MECOM: variants seen among roughly 807,000 people sequenced by gnomAD.
The protein encoded by MECOM is MDS1 and EVI1 complex locus.
A neutral mutation model predicts 116.3 loss-of-function variants in MECOM; 13 were observed. The ratio of observed to expected loss-of-function variants is 0.11; its 90% CI spans 0.07 to 0.18. The LOEUF (loss-of-function observed/expected upper bound fraction) is 0.18, where lower values mean the gene tolerates loss of function less well. MECOM is among the 10% of genes least tolerant of loss of function. MECOM has a pLI of 1.00. For synonymous variants in MECOM, 528 were observed against 535.2 expected, an observed-to-expected ratio of 0.99 and a Z score of 0.19; for missense variants, 1,299 against 1,509.0, an observed-to-expected ratio of 0.86 and a Z score of 2.31.
At chr3:169,295,955 C>T (rs1346840970) in intron 2 of MECOM, among the ~76,000 whole-genome samples, 1 of 152,216 alleles carries the variant, frequency 6.6e-6, no homozygotes, top group East Asian at 1.9e-4. Context: ...GGCCTTTCAG[C>T]TCTCATACAA....
chr3:169,480,210 T>A (rs1751077586), intron 1 of MECOM, among the ~76,000 whole-genome samples: 1 of 152,244 alleles, frequency 6.6e-6, no homozygotes, highest in South Asian at 2.1e-4. Context: ...TCTTTTTATT[T>A]AATTGAAAGA....
chr3:169,480,196 GTCT>G (rs1485354722), intron 1 of MECOM, among the ~76,000 whole-genome samples: 2 of 152,294 alleles, frequency 1.3e-5, no homozygotes, highest in East Asian at 1.9e-4. Context: ...AGCTAGTGCT[GTCT>G]TCTTTTTATT....
intron 1 of MECOM, among the ~76,000 whole-genome samples, chr3:169,497,141 C>T (rs563634355): frequency 2.6e-5 from 4 of 152,248 alleles, no homozygotes; most frequent in South Asian, 2.1e-4. Flanking sequence ...TCTCCCCATG[C>T]CACAGTTCAT....
intron 2 of MECOM, among the ~76,000 whole-genome samples, chr3:169,191,554 G>A (rs1747549100): frequency 6.6e-6 from 1 of 150,996 alleles, no homozygotes; most frequent in Non-Finnish European, 1.5e-5. Context: ...GGAGGAGAAT[G>A]TAAGGAAAGA....
intron 1 of MECOM, among the ~76,000 whole-genome samples, chr3:169,626,577 G>C (rs1478242365): frequency 6.6e-6 from 1 of 152,132 alleles, no homozygotes. Flanking sequence ...CAGAGGTTTG[G>C]TTTGCCCAGG....
chr3:169,487,957 C>T (rs1407854049), intron 1 of MECOM, among the ~76,000 whole-genome samples: 1 of 151,864 alleles, frequency 6.6e-6, no homozygotes, highest in Non-Finnish European at 1.5e-5. Context: ...AAAACTTTAC[C>T]AGGGAGATAC....
At chr3:169,259,857 C>T (rs893305421) in intron 2 of MECOM, among the ~76,000 whole-genome samples, 5 of 152,238 alleles carry the variant, frequency 3.3e-5, no homozygotes, top group African/African-American at 9.6e-5. Flanking sequence ...AAGTCTATAG[C>T]CCCTGGAGTC....
At chr3:169,241,484 A>T (rs982121027) in intron 2 of MECOM, among the ~76,000 whole-genome samples, 1 of 152,228 alleles carries the variant, frequency 6.6e-6, no homozygotes, top group Non-Finnish European at 1.5e-5. Flanking sequence ...AGAGAATCCG[A>T]AACTATTCAT....
chr3:169,554,120 C>T (rs1025262403), intron 1 of MECOM, among the ~76,000 whole-genome samples: 3 of 152,150 alleles, frequency 2.0e-5, no homozygotes, highest in African/African-American at 7.2e-5. Flanking sequence ...CTGGCCAGCT[C>T]CATAGAAACC....
intron 12 of MECOM, among the ~76,000 whole-genome samples, chr3:169,098,463 A>G (rs1271337742): frequency 6.6e-6 from 1 of 152,250 alleles, no homozygotes; most frequent in Non-Finnish European, 1.5e-5. Context: ...AAAATAGCAC[A>G]GAGGCAATAT....
intron 1 of MECOM, among the ~76,000 whole-genome samples, chr3:169,604,822 G>A (rs546507124): frequency 6.6e-6 from 1 of 152,228 alleles, no homozygotes; most frequent in South Asian, 2.1e-4. Flanking sequence ...CCTAAAAGTG[G>A]GCACATGACA....
intron 1 of MECOM, among the ~76,000 whole-genome samples, chr3:169,442,776 T>C (rs1025614637): frequency 6.6e-6 from 1 of 152,210 alleles, no homozygotes; most frequent in Non-Finnish European, 1.5e-5. Context: ...AGGTGCCCCA[T>C]AACTTTGGAA....
rs572244764 is a variant in MECOM, at chr3:169,093,580, T to C, written c.3020-478A>G. On this transcript the variant is annotated intron_variant, in intron 13 of 16. Coordinates refer to ENST00000651503, the MANE Select transcript of MECOM (RefSeq NM_004991.4). ...TTAAAGGCACACTGAAAATTCTGCATCCTGGTTTGCTGGGCGAAGCTGTGA... is the reference window on the plus strand; with the variant it reads ...TTAAAGGCACACTGAAAATTCTGCACCCTGGTTTGCTGGGCGAAGCTGTGA... 2.0e-5 allele frequency among the ~76,000 whole-genome samples: 3 copies of C among 152,338 alleles called. No homozygotes were observed. In the South Asian group the frequency reaches 6.2e-4, roughly 32 times the overall value.
At chr3:169,146,562 T>C (rs1365337312) in intron 2 of MECOM, 5 of 1,375,644 alleles carry the variant, frequency 3.6e-6, no homozygotes, top group Non-Finnish European at 4.8e-6. Flanking sequence ...CTTAGCAACG[T>C]AGATAAGCAG....
chr3:169,338,250 C>T lies in MECOM; in HGVS notation c.375+42937G>A, dbSNP rs189887973. Reference sequence around the variant, plus strand: ...CTTCTACTCATTCTTCAGGCACCAGCTGAGATTTCACTTCTCCAAGAAGTT... The same window carrying T: ...CTTCTACTCATTCTTCAGGCACCAGTTGAGATTTCACTTCTCCAAGAAGTT... On this transcript the variant is annotated intron_variant, in intron 2 of 16. Coordinates refer to ENST00000651503, the MANE Select transcript of MECOM (RefSeq NM_004991.4). Among the ~76,000 whole-genome samples the T allele has an allele frequency of 2.6e-5, 4 of 152,304 alleles. No homozygotes were observed. In the East Asian group the frequency reaches 7.7e-4, roughly 29 times the overall value.
At chr3:169,210,370 C>CA (rs1384028537) in intron 2 of MECOM, among the ~76,000 whole-genome samples, 1 of 151,866 alleles carries the variant, frequency 6.6e-6, no homozygotes, top group Non-Finnish European at 1.5e-5. Flanking sequence ...AACACAAAAA[C>CA]AAAAAACAAA....
chr3:169,432,090 A>G (rs1741736019), intron 1 of MECOM, among the ~76,000 whole-genome samples: 1 of 151,972 alleles, frequency 6.6e-6, no homozygotes, highest in Admixed American at 6.6e-5. Flanking sequence ...CCTAGTATGA[A>G]TCTTGTTTAA....
chr3:169,515,375 TC>T (rs1756500187), intron 1 of MECOM, among the ~76,000 whole-genome samples: 1 of 152,226 alleles, frequency 6.6e-6, no homozygotes, highest in Non-Finnish European at 1.5e-5. Flanking sequence ...ATAGCAGTCA[TC>T]ATTTATTGGT....
At chr3:169,389,238 A>G (rs559452523) in intron 1 of MECOM, among the ~76,000 whole-genome samples, 3 of 152,360 alleles carry the variant, frequency 2.0e-5, no homozygotes, top group Non-Finnish European at 4.4e-5. Context: ...AGCTTTTGTC[A>G]AAAGGTAATG....
Sources: allele counts gnomAD v4.1 joint callset (sites outside exome capture counted in the v4.1 genomes callset), GRCh38; gene constraint gnomAD v4.1.1; transcripts MANE v1.5; gene names NCBI Gene and HGNC (gene_info 2026-07-23, HGNC 2026-07-21).